Variants in CCDC13 observed in about 807,000 individuals in gnomAD.
CCDC13 encodes the protein coiled-coil domain-containing protein 13.
Under a neutral mutation model 87.3 loss-of-function variants are expected in CCDC13, and 70 were observed. The ratio of observed to expected loss-of-function variants is 0.80; its 90% CI spans 0.66 to 0.98. CCDC13 has a LOEUF of 0.98. Among genes scored for constraint, CCDC13 ranks in the 50% least tolerant of loss-of-function variants. The pLI, the probability that CCDC13 is intolerant of heterozygous loss-of-function variation, is 0.00. For missense variants in CCDC13, 842 were observed against 892.0 expected (o/e 0.94, Z 0.71); for synonymous variants, 317 against 360.3 (o/e 0.88, Z 1.36).
At chr3:42,727,084 TAAAC>T (rs1316625844) in intron 13 of CCDC13, among the ~76,000 whole-genome samples, 7 of 152,048 alleles carry the variant, frequency 4.6e-5, no homozygotes, top group African/African-American at 1.7e-4. Flanking sequence ...CATTTAAAAA[TAAAC>T]AGGCCAGGCG....
intron 8 of CCDC13, 125 bp downstream of exon 8, chr3:42,742,771 C>G: frequency 8.2e-7 from 1 of 1,217,482 alleles, no homozygotes; most frequent in Non-Finnish European, 1.2e-6. Flanking sequence ...ACCCAGGTCC[C>G]CAGGTGTCTC....
At chr3:42,766,975 G>A (rs1045047638) in intron 1 of CCDC13, among the ~76,000 whole-genome samples, 2 of 152,106 alleles carry the variant, frequency 1.3e-5, no homozygotes, top group African/African-American at 2.4e-5. Flanking sequence ...GAAACTACAC[G>A]CTTTACCCCT....
Position 42,733,329 on chromosome 3 carries a change from G to T in CCDC13, c.1511+141C>A. 10 of 1,038,174 alleles carry T rather than the reference G, an allele frequency of 9.6e-6. No individual in the cohort carries two copies. In the South Asian group the frequency reaches 1.3e-4, roughly 13 times the overall value. The allele number at this position is 1,038,174 out of a possible 1,614,324, so 64.3% of individuals were successfully genotyped here. A position where few individuals can be genotyped will look rare whatever the true frequency, so the allele number is the denominator to read the frequency against. On this transcript the variant is annotated intron_variant, in intron 11 of 15. Transcript: ENST00000310232. ...CAGACGCAGAGCTAATGTCATAGGA[G>T]AGGCCCACGTATTGGAAGAACAACA...
chr3:42,741,669 G>A (rs1699224156), intron 8 of CCDC13, among the ~76,000 whole-genome samples: 2 of 152,116 alleles, frequency 1.3e-5, no homozygotes, highest in African/African-American at 2.4e-5. Flanking sequence ...CCCCGGAGGC[G>A]GAGGTTGCAG....
chr3:42,752,630 C>A lies in CCDC13; in HGVS notation c.458G>T (p.Gly153Val). Residue 153 changes from glycine (G) to valine (V), a missense_variant, in exon 4 of 16, where the codon GGT (glycine) becomes GTT (valine). Gly to Val is a moderately radical substitution (Grantham distance 109). Coordinates refer to ENST00000310232, the MANE Select transcript of CCDC13 (RefSeq NM_144719.4). ...CAGCTGCTTCACCCTGGTTTTTGCA[C>A]CCTCTGATTCTGCCATCAACAGCCG... is the stretch of plus-strand genomic sequence containing the variant. ...KNRLLMAESE[G>V]AKTRVKQLTN... The A allele has an allele frequency of 1.9e-6, 3 of 1,614,214 alleles. No homozygotes were observed. The highest frequency in any genetic ancestry group is 2.5e-6 in the Non-Finnish European group (3 of 1,180,044).
intron 5 of CCDC13, among the ~76,000 whole-genome samples, chr3:42,748,976 C>T (rs1699496474): frequency 6.6e-6 from 1 of 152,138 alleles, no homozygotes; most frequent in South Asian, 2.1e-4. Context: ...CCAGGCTGGT[C>T]TTGAACTCCA....
chr3:42,740,933 C>G (rs1699195836), intron 8 of CCDC13: 1 of 152,160 alleles, frequency 6.6e-6, no homozygotes, highest in South Asian at 2.1e-4. Context: ...TGCAGGGAGG[C>G]AGCCATTACT....
chr3:42,731,676 G>C (rs76144254), intron 12 of CCDC13, among the ~76,000 whole-genome samples: 2,806 of 152,204 alleles, frequency 0.018, 75 homozygotes, highest in African/African-American at 0.064. Context: ...CAGGAGCAAA[G>C]GGCCGATTCT....
chr3:42,769,519 A>G (rs948452139), intron 1 of CCDC13, among the ~76,000 whole-genome samples: 2 of 152,276 alleles, frequency 1.3e-5, no homozygotes, highest in African/African-American at 4.8e-5. Flanking sequence ...CCTGCACATG[A>G]AATGTTCATA....
chr3:42,742,378 G>C (rs1193538903), intron 8 of CCDC13, among the ~76,000 whole-genome samples: 2 of 152,170 alleles, frequency 1.3e-5, no homozygotes, highest in African/African-American at 4.8e-5. Flanking sequence ...CTGAGAGCAA[G>C]GCCCCGATCT....
At chr3:42,749,623 G>A (rs895734166) in intron 5 of CCDC13, among the ~76,000 whole-genome samples, 3 of 152,184 alleles carry the variant, frequency 2.0e-5, no homozygotes, top group South Asian at 2.1e-4. Context: ...ATCAGGCCCC[G>A]TCCTCCTAGC....
At chr3:42,756,933 C>A in intron 3 of CCDC13, 133 bp downstream of exon 3, 1 of 871,686 alleles carries the variant, frequency 1.1e-6, no homozygotes. Flanking sequence ...ACTTCCAGGA[C>A]TCCTCTGGAC....
rs1699753144 is a variant in CCDC13 at position 42,758,257 on chromosome 3, A to G, written c.89T>C (p.Met30Thr). 2 of 1,613,626 alleles carry G rather than the reference A, an allele frequency of 1.2e-6. No individual in the cohort carries two copies. The highest frequency in any genetic ancestry group is 1.7e-6 in the Non-Finnish European group (2 of 1,179,988). ...CAGTTCTTTTTCCCTCTTTTTCTCCATCTGCTTCTGTAACCGTTTGTGCTG... is the reference window on the plus strand; with the variant it reads ...CAGTTCTTTTTCCCTCTTTTTCTCCGTCTGCTTCTGTAACCGTTTGTGCTG... ...EMQHKRLQKQ[M>T]EKKREKELSL... The change falls in exon 2 of 16, where the codon ATG becomes ACG. Residue 30 changes from methionine to threonine, a missense_variant. Met to Thr is a moderately conservative substitution (Grantham distance 81). Transcript: ENST00000310232.
chr3:42,757,295 G>T, intron 2 of CCDC13, 81 bp from the exon 3 acceptor site: 1 of 1,339,228 alleles, frequency 7.5e-7, no homozygotes, highest in Non-Finnish European at 1.0e-6. Flanking sequence ...TGCCTAGGTG[G>T]ACAGATGGAC....
intron 1 of CCDC13, among the ~76,000 whole-genome samples, chr3:42,761,722 T>C (rs956024732): frequency 6.6e-6 from 1 of 152,218 alleles, no homozygotes; most frequent in Non-Finnish European, 1.5e-5. Context: ...CCAAGTCCAA[T>C]GGCATTAAGC....
chr3:42,725,726 A>T lies in CCDC13; in HGVS notation c.1718+4741T>A, dbSNP rs79550146. Among the ~76,000 whole-genome samples the T allele has an allele frequency of 1.4e-3, 220 of 152,194 alleles. 4 individuals are homozygous for T. In the East Asian group the frequency reaches 0.036, roughly 25 times the overall value. ...GCCAATAAATTCACATAAAGTACCAATCAGAGACCACTGAAACCCTAAAAG... is the reference window on the plus strand; with the variant it reads ...GCCAATAAATTCACATAAAGTACCATTCAGAGACCACTGAAACCCTAAAAG... On this transcript the variant is annotated intron_variant, in intron 13 of 15. Transcript: ENST00000310232.
rs1379161544 is a variant in CCDC13, at chr3:42,743,051, C to T, written c.832G>A (p.Glu278Lys). The change falls in exon 8 of 16, where the codon GAG becomes AAG. Residue 278 changes from glutamate (E) to lysine (K), a missense_variant. Coordinates refer to ENST00000310232, the MANE Select transcript of CCDC13 (RefSeq NM_144719.4). ...GCCTGGCCCAATTGCTTCTCAAGCTCTTGAACCTGAGGATGGTAAAACTCG... is the reference window on the plus strand; with the variant it reads ...GCCTGGCCCAATTGCTTCTCAAGCTTTTGAACCTGAGGATGGTAAAACTCG... Reference protein sequence around the residue: ...QILVLQSKVQELEKQLGQARS... With the variant: ...QILVLQSKVQKLEKQLGQARS... 6.2e-7 allele frequency: 1 copy of T among 1,614,076 alleles called. No homozygotes were observed. Among genetic ancestry groups the T allele is most frequent in the South Asian group, 1.1e-5 (1 of 91,052 alleles).
intron 3 of CCDC13, 99 bp from the exon 4 acceptor site, chr3:42,752,816 T>G: frequency 6.9e-7 from 1 of 1,448,102 alleles, no homozygotes. Context: ...AAGCTAAAGC[T>G]GCTTGGCATG....
chr3:42,715,022 G>T (rs1222377183), intron 13 of CCDC13, among the ~76,000 whole-genome samples: 1 of 152,072 alleles, frequency 6.6e-6, no homozygotes, highest in Non-Finnish European at 1.5e-5. Flanking sequence ...CTGGGCCCGG[G>T]GTCCCACACC....
Sources: gnomAD v4.1 joint callset for allele counts (sites outside exome capture counted in the v4.1 genomes callset) on GRCh38, gnomAD v4.1.1 for gene constraint, MANE v1.5 for transcripts, NCBI Gene and HGNC (gene_info 2026-07-23, HGNC 2026-07-21) for gene names.